RABGAP1L: variants seen among roughly 807,000 people sequenced by gnomAD.
RABGAP1L encodes rab GTPase-activating protein 1-like.
Under a neutral mutation model 137.7 loss-of-function variants are expected in RABGAP1L, and 63 were observed. The ratio of observed to expected loss-of-function variants is 0.46; its 90% CI spans 0.37 to 0.56. The LOEUF is 0.56. Among genes scored for constraint, RABGAP1L ranks in the 20% least tolerant of loss-of-function variants. The pLI, the probability that RABGAP1L is intolerant of heterozygous loss-of-function variation, is 0.00. For synonymous variants in RABGAP1L, 431 were observed against 433.7 expected, an observed-to-expected ratio of 0.99 and a Z score of 0.08; for missense variants, 1,095 against 1,244.0, an observed-to-expected ratio of 0.88 and a Z score of 1.80.
intron 13 of RABGAP1L, among the ~76,000 whole-genome samples, chr1:174,560,026 T>A (rs758166631): frequency 6.6e-6 from 1 of 152,042 alleles, no homozygotes; most frequent in Non-Finnish European, 1.5e-5. Flanking sequence ...TCCCAGCTAC[T>A]TGGGGGGCTG....
intron 19 of RABGAP1L, among the ~76,000 whole-genome samples, chr1:174,870,883 G>A (rs955285011): frequency 6.6e-6 from 1 of 150,840 alleles, no homozygotes; most frequent in Admixed American, 6.6e-5. Context: ...GACTACAGGC[G>A]CCTGCCACAA....
chr1:174,686,048 A>G (rs1678436960), intron 15 of RABGAP1L, among the ~76,000 whole-genome samples: 1 of 152,236 alleles, frequency 6.6e-6, no homozygotes, highest in Non-Finnish European at 1.5e-5. Flanking sequence ...TCCCAGGAAC[A>G]GCAAACATTT....
chr1:174,182,705 C>T (rs993104255), intron 1 of RABGAP1L, among the ~76,000 whole-genome samples: 5 of 152,176 alleles, frequency 3.3e-5, no homozygotes, highest in African/African-American at 1.2e-4. Flanking sequence ...TATCCTCTCT[C>T]CCCACTTGAG....
chr1:174,263,175 G>T (rs891902246), intron 7 of RABGAP1L, among the ~76,000 whole-genome samples: 1 of 152,208 alleles, frequency 6.6e-6, no homozygotes, highest in Non-Finnish European at 1.5e-5. Context: ...CCACCTGCCT[G>T]CCAGCCTTTG....
chr1:174,355,519 C>T lies in RABGAP1L; in HGVS notation c.1466-15460C>T, dbSNP rs187044911. ...AGGAGATATACCTAATGCTAAATGA[C>T]GAATTAATGGGTGCAGCACACCAAC... On this transcript the variant is annotated intron_variant, in intron 11 of 25. Transcript: ENST00000681986. Among the ~76,000 whole-genome samples, 291 of 150,400 alleles carry T rather than the reference C, an allele frequency of 1.9e-3. 1 individual carries two copies. Among genetic ancestry groups the T allele is most frequent in the South Asian group, 1.7e-3 (8 of 4,726 alleles).
intron 13 of RABGAP1L, among the ~76,000 whole-genome samples, chr1:174,450,890 A>G (rs914116583): frequency 1.3e-5 from 2 of 152,152 alleles, no homozygotes; most frequent in African/African-American, 2.4e-5. Flanking sequence ...TTAGAAGCCA[A>G]CCATGTTTGC....
intron 14 of RABGAP1L, among the ~76,000 whole-genome samples, chr1:174,659,236 CAAA>C (rs11333708): frequency 1.5e-4 from 19 of 124,526 alleles, no homozygotes; most frequent in African/African-American, 1.9e-4. Flanking sequence ...TTTACTTTAC[CAAA>C]AAAAAAAAAA....
At chr1:174,543,270 G>C (rs943659737) in intron 13 of RABGAP1L, among the ~76,000 whole-genome samples, 1 of 152,124 alleles carries the variant, frequency 6.6e-6, no homozygotes, top group East Asian at 1.9e-4. Flanking sequence ...TTATGAATCT[G>C]GATGCTTCTG....
intron 19 of RABGAP1L, among the ~76,000 whole-genome samples, chr1:174,956,911 G>A (rs939746716): frequency 6.6e-6 from 1 of 152,024 alleles, no homozygotes; most frequent in South Asian, 2.1e-4. Flanking sequence ...GCCTCCCAAA[G>A]TGCTGGGATT....
At chr1:174,871,563 A>ATT (rs1281998866) in intron 19 of RABGAP1L, among the ~76,000 whole-genome samples, 1 of 152,228 alleles carries the variant, frequency 6.6e-6, no homozygotes, top group Non-Finnish European at 1.5e-5. Context: ...AACATAATGC[A>ATT]GGCATGTGAG....
At chr1:174,256,467 G>T (rs1022145012) in intron 7 of RABGAP1L, among the ~76,000 whole-genome samples, 1 of 152,042 alleles carries the variant, frequency 6.6e-6, no homozygotes, top group Non-Finnish European at 1.5e-5. Context: ...CCAGTAAGCA[G>T]TCTGTGAGGA....
chr1:174,789,276 A>G (rs900016406), intron 18 of RABGAP1L, among the ~76,000 whole-genome samples: 2 of 152,200 alleles, frequency 1.3e-5, no homozygotes, highest in Non-Finnish European at 2.9e-5. Context: ...ATTATGTATT[A>G]ATCATGGCAT....
intron 1 of RABGAP1L, among the ~76,000 whole-genome samples, chr1:174,173,628 C>T (rs1159734091): frequency 6.6e-6 from 1 of 151,666 alleles, no homozygotes; most frequent in East Asian, 1.9e-4. Flanking sequence ...GCTTTTTATA[C>T]AGTTGGTTTC....
intron 21 of RABGAP1L, among the ~76,000 whole-genome samples, chr1:174,972,020 G>A (rs6425307): frequency 0.012 from 1,818 of 152,208 alleles, 34 homozygotes; most frequent in African/African-American, 0.042. Context: ...TTTCCCTCTG[G>A]CAGAGCCTTC....
intron 1 of RABGAP1L, among the ~76,000 whole-genome samples, chr1:174,205,189 C>T (rs554884233): frequency 2.0e-5 from 3 of 152,092 alleles, no homozygotes; most frequent in South Asian, 2.1e-4. Context: ...GATGTGTTGC[C>T]GGATTCGGTT....
chr1:174,516,326 A>T (rs1662846031), intron 13 of RABGAP1L, among the ~76,000 whole-genome samples: 1 of 152,128 alleles, frequency 6.6e-6, no homozygotes, highest in African/African-American at 2.4e-5. Context: ...CTATACATGT[A>T]ATTTCCAGAG....
intron 10 of RABGAP1L, among the ~76,000 whole-genome samples, chr1:174,301,052 C>G (rs992173983): frequency 2.6e-5 from 4 of 152,126 alleles, no homozygotes; most frequent in African/African-American, 9.7e-5. Context: ...CCTGCCAGTT[C>G]ATGCCCGGTC....
chr1:174,229,031 A>T (rs1215722716), intron 3 of RABGAP1L, among the ~76,000 whole-genome samples: 4 of 149,424 alleles, frequency 2.7e-5, no homozygotes, highest in African/African-American at 2.5e-5. Context: ...TTTTTTTTTT[A>T]AAGAAATTCA....
chr1:174,918,760 G>A (rs996190358), intron 19 of RABGAP1L, among the ~76,000 whole-genome samples: 2 of 151,536 alleles, frequency 1.3e-5, no homozygotes, highest in African/African-American at 4.9e-5. Context: ...CTGGGAGACA[G>A]AGCAAGATCT....
Sources: gnomAD v4.1 joint callset for allele counts (sites outside exome capture counted in the v4.1 genomes callset) on GRCh38, gnomAD v4.1.1 for gene constraint, MANE v1.5 for transcripts, NCBI Gene and HGNC (gene_info 2026-07-23, HGNC 2026-07-21) for gene names.